The following TOX2 variants were observed in gnomAD, a reference collection of about 807,000 sequenced individuals.
TOX2 encodes the protein TOX high mobility group box family member 2, also known as granulosa cell HMG box 1.
In TOX2, 15 loss-of-function variants were observed where a neutral mutation model predicts 47.4. That is an observed-to-expected ratio of 0.32 (90% CI 0.21 to 0.49). TOX2 has a LOEUF of 0.49. Among genes scored for constraint, TOX2 ranks in the 20% least tolerant of loss-of-function variants. The probability of loss-of-function intolerance (pLI) is 0.99; values close to 1 mark genes in which losing one functional copy is unlikely to be tolerated. For missense variants in TOX2, 622 were observed against 673.1 expected (o/e 0.92, Z 0.84); for synonymous variants, 290 against 296.6 (o/e 0.98, Z 0.23).
intron 3 of TOX2, among the ~76,000 whole-genome samples, chr20:44,030,821 T>A (rs1022225291): frequency 1.2e-4 from 18 of 152,160 alleles, no homozygotes; most frequent in Non-Finnish European, 1.5e-5. Flanking sequence ...AACAAGAGTT[T>A]ATGGGAAAAA....
chr20:44,049,084 C>T (rs191800049), intron 3 of TOX2, among the ~76,000 whole-genome samples: 3 of 152,298 alleles, frequency 2.0e-5, no homozygotes, highest in African/African-American at 2.4e-5. Context: ...CTCCAGCCTG[C>T]GCGATGCAGC....
intron 2 of TOX2, among the ~76,000 whole-genome samples, chr20:44,005,217 C>G (rs1320461638): frequency 6.6e-6 from 1 of 152,202 alleles, no homozygotes; most frequent in Non-Finnish European, 1.5e-5. Context: ...ACCTATTATT[C>G]TCTCACTCTT....
intron 3 of TOX2, among the ~76,000 whole-genome samples, chr20:44,019,993 G>A (rs140130367): frequency 1.7e-4 from 26 of 152,044 alleles, no homozygotes; most frequent in African/African-American, 5.6e-4. Flanking sequence ...GGAGAGCCCC[G>A]GGATTAGGAG....
chr20:43,994,254 C>T (rs58852208), intron 2 of TOX2, among the ~76,000 whole-genome samples: 3,094 of 151,820 alleles, frequency 0.02, 39 homozygotes, highest in Middle Eastern at 0.037. Flanking sequence ...CGCTTGAGCT[C>T]AGGAGTTTGA....
intron 1 of TOX2, among the ~76,000 whole-genome samples, chr20:43,925,643 T>A (rs1208701631): frequency 6.6e-6 from 1 of 152,254 alleles, no homozygotes; most frequent in Non-Finnish European, 1.5e-5. Context: ...TCTGGGAATG[T>A]TCTGGGGTTC....
At chr20:44,000,765 G>T (rs1036549456) in intron 2 of TOX2, among the ~76,000 whole-genome samples, 10 of 152,116 alleles carry the variant, frequency 6.6e-5, no homozygotes, top group Non-Finnish European at 5.9e-5. Flanking sequence ...ATACAGAATG[G>T]CCTGTGATGT....
intron 3 of TOX2, among the ~76,000 whole-genome samples, chr20:44,026,228 G>GATATATATATATAGATATATATAT (rs1555842269): frequency 4.1e-4 from 25 of 60,252 alleles, no homozygotes; most frequent in South Asian, 1.0e-3. Flanking sequence ...AAGAAACTGT[G>GATATATATATATAGATATATATAT]ATATATATAT....
chr20:43,960,495 G>A (rs1045380530), intron 1 of TOX2, among the ~76,000 whole-genome samples: 8 of 152,300 alleles, frequency 5.3e-5, no homozygotes, highest in African/African-American at 1.9e-4. Flanking sequence ...AGCTCCCCTT[G>A]GGACAGGTGG....
intron 1 of TOX2, among the ~76,000 whole-genome samples, chr20:43,920,838 C>T (rs2069105544): frequency 6.6e-6 from 1 of 152,160 alleles, no homozygotes; most frequent in Non-Finnish European, 1.5e-5. Flanking sequence ...GTGGAGGGTG[C>T]ACTGGGAGGG....
chr20:43,925,683 GC>G (rs888607963), intron 1 of TOX2, among the ~76,000 whole-genome samples: 1 of 152,184 alleles, frequency 6.6e-6, no homozygotes, highest in Non-Finnish European at 1.5e-5. Context: ...GTTCCTTAGT[GC>G]TCACAGGCTT....
In TOX2 at chr20:43,928,981, GA is replaced by G. The variant is rs575418660; in HGVS notation, c.99+14009del. Among the ~76,000 whole-genome samples the G allele has an allele frequency of 8.8e-3, 756 of 86,128 alleles. 6 individuals carry two copies. The highest frequency in any genetic ancestry group is 0.017 in the Middle Eastern group (3 of 176). 56.5% of individuals were successfully genotyped at this position (86,128 alleles called of 152,430 possible). On this transcript the variant is annotated intron_variant, in intron 1 of 8. Coordinates refer to ENST00000341197, the MANE Select transcript of TOX2 (RefSeq NM_001098797.2). ...GAAACCCTGTCTCTACTAAAAATAT[GA>G]AAAAAAAAAAAAAAAAACAACAACA... is the stretch of plus-strand genomic sequence containing the variant.
At chr20:44,038,287 T>C (rs980126294) in intron 3 of TOX2, among the ~76,000 whole-genome samples, 2 of 151,964 alleles carry the variant, frequency 1.3e-5, no homozygotes, top group African/African-American at 2.4e-5. Context: ...TCCCAGCTAC[T>C]TGGGAGGCTG....
Position 43,915,561 on chromosome 20 carries a change from CT to C in TOX2, c.99+572del, listed in dbSNP as rs145219045. Among the ~76,000 whole-genome samples the C allele has an allele frequency of 7.2e-4, 109 of 152,346 alleles. 2 individuals are homozygous for C. The East Asian group carries it at 0.016, about 22-fold the overall frequency. On this transcript the variant is annotated intron_variant, in intron 1 of 8. Coordinates refer to ENST00000341197, the MANE Select transcript of TOX2 (RefSeq NM_001098797.2). This position sits in a 1 kb window ranked among gnomAD's most constrained non-coding sequence, Gnocchi z 7.1. Reference sequence around the variant, plus strand: ...CACGCTGTCACACACAGCCACCCCCCTGGACGGTGAGCCTCAGACACAGATC... The same window carrying C: ...CACGCTGTCACACACAGCCACCCCCCGGACGGTGAGCCTCAGACACAGATC...
At chr20:44,003,227 C>T (rs960470748) in intron 2 of TOX2, among the ~76,000 whole-genome samples, 4 of 151,102 alleles carry the variant, frequency 2.6e-5, no homozygotes, top group African/African-American at 9.8e-5. Flanking sequence ...CCCTCTGTCA[C>T]CCAGGCTGGA....
chr20:44,036,796 C>T (rs1375652487), intron 3 of TOX2, among the ~76,000 whole-genome samples: 2 of 152,136 alleles, frequency 1.3e-5, no homozygotes, highest in East Asian at 1.9e-4. Flanking sequence ...ACTGTCTGAC[C>T]CTTTACAGAG....
chr20:44,035,226 C>T (rs1205665631), intron 3 of TOX2, among the ~76,000 whole-genome samples: 1 of 152,342 alleles, frequency 6.6e-6, no homozygotes. Context: ...GAAATCCCTT[C>T]GATGGCTCCC....
intron 1 of TOX2, among the ~76,000 whole-genome samples, chr20:43,946,232 C>T (rs926944019): frequency 1.1e-4 from 16 of 152,164 alleles, no homozygotes; most frequent in South Asian, 2.1e-4. Context: ...ATTCTGGAGG[C>T]GGTTTGGGCT....
At chr20:43,982,677 C>T (rs575183359) in intron 2 of TOX2, among the ~76,000 whole-genome samples, 1 of 151,748 alleles carries the variant, frequency 6.6e-6, no homozygotes, top group South Asian at 2.1e-4. Flanking sequence ...GGTGGCTGAG[C>T]TGAAGGGCCC....
At chr20:43,928,825 C>A (rs2145311197) in intron 1 of TOX2, among the ~76,000 whole-genome samples, 1 of 152,134 alleles carries the variant, frequency 6.6e-6, no homozygotes, top group African/African-American at 2.4e-5. Context: ...TGGATCCTGT[C>A]TCTTCTCCAT....
Sources: gnomAD v4.1 joint callset for allele counts (sites outside exome capture counted in the v4.1 genomes callset) on GRCh38, gnomAD v4.1.1 for gene constraint, Gnocchi (gnomAD v3.1) non-coding constraint, MANE v1.5 for transcripts, NCBI Gene and HGNC (gene_info 2026-07-23, HGNC 2026-07-21) for gene names.